Variants in FBN2 observed in about 807,000 individuals in gnomAD.
FBN2 encodes the protein fibrillin 2.
A neutral mutation model predicts 355.6 loss-of-function variants in FBN2; 105 were observed. The ratio of observed to expected loss-of-function variants is 0.30; its 90% CI spans 0.25 to 0.35. FBN2 has a LOEUF of 0.35. FBN2 is among the 10% of genes least tolerant of loss of function. The pLI, the probability that FBN2 is intolerant of heterozygous loss-of-function variation, is 1.00. For synonymous variants in FBN2, 1,350 were observed against 1,301.2 expected (o/e 1.04, Z -0.81); for missense variants, 3,280 against 3,758.7 (o/e 0.87, Z 3.33).
At chr5:128,387,702 G>A (rs1230964819) in intron 11 of FBN2, among the ~76,000 whole-genome samples, 1 of 152,114 alleles carries the variant, frequency 6.6e-6, no homozygotes, top group African/African-American at 2.4e-5. Flanking sequence ...GCTGTGGTCT[G>A]AGAGTGTGGT....
chr5:128,366,981 T>C (rs1561420798), intron 16 of FBN2, among the ~76,000 whole-genome samples: 1 of 152,192 alleles, frequency 6.6e-6, no homozygotes, highest in Non-Finnish European at 1.5e-5. Context: ...CTGGGTACTC[T>C]ATCACAGGCA....
Position 128,271,999 on chromosome 5 carries a change from C to T in FBN2, c.7960G>A (p.Asp2654Asn), listed in dbSNP as rs1765279135. The T allele has an allele frequency of 1.2e-6, 2 of 1,613,814 alleles. No individual in the cohort carries two copies. The highest frequency in any genetic ancestry group is 1.7e-6 in the Non-Finnish European group (2 of 1,179,842). Reference sequence around the variant, plus strand: ...TGCGATGGAAGAAAAGAGCACTCACCGACACACTGATTCCACTGGTAGTGC... The same window carrying T: ...TGCGATGGAAGAAAAGAGCACTCACTGACACACTGATTCCACTGGTAGTGC... ...IQHYQWNQCV[D>N]ENECSNPNAC... Residue 2654 changes from aspartate to asparagine, a missense_variant and splice_region_variant, in exon 62 of 65, where the codon GAT becomes AAT. Physicochemically the swap from Asp to Asn is conservative, Grantham distance 23. Coordinates refer to ENST00000262464, the MANE Select transcript of FBN2 (RefSeq NM_001999.4).
chr5:128,361,265 C>T (rs1223605179), intron 19 of FBN2, among the ~76,000 whole-genome samples: 1 of 152,156 alleles, frequency 6.6e-6, no homozygotes, highest in Non-Finnish European at 1.5e-5. Context: ...ATCATTTTTA[C>T]TTAGTTCTCA....
chr5:128,288,530 G>A lies in FBN2; in HGVS notation c.6665C>T (p.Pro2222Leu), dbSNP rs747908706. 5.6e-6 allele frequency: 9 copies of A among 1,613,686 alleles called. No homozygotes were observed. Among genetic ancestry groups the A allele is most frequent in the South Asian group, 3.3e-5 (3 of 91,074 alleles). ...ATTGGTGCATGTACCATTTCCACACGGATTGCCGATTGAACACTCATCAGT... is the reference window on the plus strand; with the variant it reads ...ATTGGTGCATGTACCATTTCCACACAGATTGCCGATTGAACACTCATCAGT... ...VDTDECSIGN[P>L]CGNGTCTNVI... Residue 2222 changes from proline to leucine, a missense_variant, in exon 53 of 65, where the codon CCG (proline) becomes CTG (leucine). Coordinates refer to ENST00000262464, the MANE Select transcript of FBN2 (RefSeq NM_001999.4).
At chr5:128,412,685 C>T (rs1753102365) in intron 7 of FBN2, among the ~76,000 whole-genome samples, 1 of 152,198 alleles carries the variant, frequency 6.6e-6, no homozygotes, top group Non-Finnish European at 1.5e-5. Flanking sequence ...GGACAATAAG[C>T]TTAGCTAGTT....
At chr5:128,459,656 A>C (rs910539869) in intron 6 of FBN2, among the ~76,000 whole-genome samples, 6 of 152,218 alleles carry the variant, frequency 3.9e-5, no homozygotes, top group African/African-American at 1.4e-4. Flanking sequence ...TCAATTGTTC[A>C]ACATACACAA....
intron 11 of FBN2, among the ~76,000 whole-genome samples, chr5:128,391,363 T>G (rs983921626): frequency 2.0e-5 from 3 of 152,138 alleles, no homozygotes; most frequent in African/African-American, 7.2e-5. Context: ...TGGCTTCTAT[T>G]AAGGCAGACA....
intron 62 of FBN2, among the ~76,000 whole-genome samples, chr5:128,265,870 A>C (rs1392629824): frequency 3.3e-5 from 5 of 152,218 alleles, no homozygotes. Context: ...GTAGGTTTAC[A>C]GTTTTGCCTG....
rs1749606532 is a variant in FBN2 at position 128,298,591 on chromosome 5, C to T, written c.6166+2226G>A. Among the ~76,000 whole-genome samples the T allele has an allele frequency of 5.9e-5, 9 of 152,318 alleles. No individual in the cohort carries two copies. In the South Asian group the frequency reaches 1.9e-3, roughly 32 times the overall value. On this transcript the variant is annotated intron_variant, in intron 48 of 64. Transcript: ENST00000262464. ...TCTCACTTCATTTCATTCATTTCAT[C>T]TTCCATCGCTGATACCCTTTCTTCC...
chr5:128,337,323 G>A (rs554095045), intron 27 of FBN2, among the ~76,000 whole-genome samples: 1 of 152,174 alleles, frequency 6.6e-6, no homozygotes, highest in African/African-American at 2.4e-5. Flanking sequence ...TGTGCAATCT[G>A]TTCTATTTTA....
At chr5:128,263,334 G>C (rs1292541051) in intron 63 of FBN2, 91 bp downstream of exon 63, 1 of 992,586 alleles carries the variant, frequency 1.0e-6, no homozygotes, top group East Asian at 2.4e-5. Context: ...TTGGCTTTTA[G>C]ACACTGTACT....
chr5:128,478,017 TC>T (rs1363732291), intron 5 of FBN2, among the ~76,000 whole-genome samples: 1 of 152,240 alleles, frequency 6.6e-6, no homozygotes, highest in Non-Finnish European at 1.5e-5. Flanking sequence ...CTGAATGTTT[TC>T]CTCGATTCAG....
In FBN2 at chr5:128,275,917, C is replaced by CA; in HGVS notation, c.7594+120dup. ...GTTTTTCTATGAGCAATAACATGGC[C>CA]ACTAGGATGGGACCTTTTAATGAAG... On this transcript the variant is annotated intron_variant, in intron 59 of 64. Coordinates refer to ENST00000262464, the MANE Select transcript of FBN2 (RefSeq NM_001999.4). The CA allele has an allele frequency of 3.7e-6, 4 of 1,089,498 alleles. No homozygotes were observed. The South Asian group carries it at 5.0e-5, about 14-fold the overall frequency. 67.5% of individuals were successfully genotyped at this position (1,089,498 alleles called of 1,614,324 possible). A position where few individuals can be genotyped will look rare whatever the true frequency, so the allele number is the denominator to read the frequency against.
rs150659590 is a variant in FBN2 at position 128,418,295 on chromosome 5, A to G, written c.953-9496T>C. On this transcript the variant is annotated intron_variant, in intron 7 of 64. Coordinates refer to ENST00000262464, the MANE Select transcript of FBN2 (RefSeq NM_001999.4). Reference sequence around the variant, plus strand: ...CATGTTTATCTTTTCAGAAAAACCAACTTTTCATTTTGTTGATCCTTTGTA... The same window carrying G: ...CATGTTTATCTTTTCAGAAAAACCAGCTTTTCATTTTGTTGATCCTTTGTA... 6.4e-3 allele frequency among the ~76,000 whole-genome samples: 977 copies of G among 152,178 alleles called. 10 individuals carry two copies. The highest frequency in any genetic ancestry group is 0.022 in the African/African-American group (915 of 41,548).
chr5:128,456,622 T>C (rs1035820437), intron 6 of FBN2, among the ~76,000 whole-genome samples: 3 of 151,954 alleles, frequency 2.0e-5, no homozygotes, highest in African/African-American at 7.3e-5. Context: ...TCTCCTTGAG[T>C]GACATCTCTA....
At position 128,391,999 on chromosome 5, in the gene FBN2, T is replaced by C. The variant is rs368680288; in HGVS notation, c.1603+19A>G. On this transcript the variant is annotated intron_variant, in intron 11 of 64. Coordinates refer to ENST00000262464, the MANE Select transcript of FBN2 (RefSeq NM_001999.4). ...TACTAAAAAAACTAAGAAGGATTATTAAAGAATCACAAACTTACCTATACA... is the reference window on the plus strand; with the variant it reads ...TACTAAAAAAACTAAGAAGGATTATCAAAGAATCACAAACTTACCTATACA... 2.5e-6 allele frequency: 4 copies of C among 1,610,518 alleles called. No homozygotes were observed. The highest frequency in any genetic ancestry group is 3.4e-6 in the Non-Finnish European group (4 of 1,177,052).
At position 128,444,054 on chromosome 5, in the gene FBN2, CTTTTTTTTTTT is replaced by C. The variant is rs35768962; in HGVS notation, c.952+2416_952+2426del. 4.6e-5 allele frequency among the ~76,000 whole-genome samples: 3 copies of C among 65,622 alleles called. No individual in the cohort carries two copies. In the South Asian group the frequency reaches 1.7e-3, roughly 37 times the overall value. 43.1% of individuals were successfully genotyped at this position (65,622 alleles called of 152,430 possible). A position where few individuals can be genotyped will look rare whatever the true frequency, so the allele number is the denominator to read the frequency against. On this transcript the variant is annotated intron_variant, in intron 7 of 64. Coordinates refer to ENST00000262464, the MANE Select transcript of FBN2 (RefSeq NM_001999.4). Reference sequence around the variant, plus strand: ...TTTATATAAGCAAATATCACTTGTTCTTTTTTTTTTTTTTTTTTTTTTTTTTTTTGAGACGG... The same window carrying C: ...TTTATATAAGCAAATATCACTTGTTCTTTTTTTTTTTTTTTTTTGAGACGG...
At chr5:128,325,978 A>C (rs1014441029) in intron 34 of FBN2, among the ~76,000 whole-genome samples, 4 of 152,168 alleles carry the variant, frequency 2.6e-5, no homozygotes, top group African/African-American at 9.6e-5. Context: ...TTTTATTAAG[A>C]TCATATATGG....
chr5:128,271,649 A>C (rs1190299428), intron 62 of FBN2, among the ~76,000 whole-genome samples: 1 of 152,188 alleles, frequency 6.6e-6, no homozygotes, highest in Non-Finnish European at 1.5e-5. Flanking sequence ...AATGGATGGG[A>C]AATCTAAATA....
Sources: gnomAD v4.1 joint callset for allele counts (sites outside exome capture counted in the v4.1 genomes callset) on GRCh38, gnomAD v4.1.1 for gene constraint, MANE v1.5 for transcripts, NCBI Gene and HGNC (gene_info 2026-07-23, HGNC 2026-07-21) for gene names.